Variants in SYNPR observed in about 807,000 individuals in gnomAD.
SYNPR encodes synaptoporin.
A neutral mutation model predicts 32.9 loss-of-function variants in SYNPR; 23 were observed. The observed-to-expected ratio is 0.70, with a 90% confidence interval of 0.50 to 0.99. The LOEUF is 0.99. Ranked by LOEUF, SYNPR falls within the 50% of genes least tolerant of loss-of-function variation. The pLI, the probability that SYNPR is intolerant of heterozygous loss-of-function variation, is 0.00. For missense variants in SYNPR, 318 were observed against 349.3 expected (o/e 0.91, Z 0.71); for synonymous variants, 146 against 135.9 (o/e 1.07, Z -0.52).
chr3:63,609,042 C>T, intron 4 of SYNPR, 83 bp from the exon 5 acceptor site: 3 of 1,450,284 alleles, frequency 2.1e-6, no homozygotes, highest in Non-Finnish European at 2.8e-6. Flanking sequence ...AAAAGGCAAA[C>T]CAAATAGTTA....
At chr3:63,333,285 C>G (rs1048070853) in intron 2 of SYNPR, among the ~76,000 whole-genome samples, 4 of 151,726 alleles carry the variant, frequency 2.6e-5, no homozygotes, top group Admixed American at 6.6e-5. Flanking sequence ...TCCACACCCC[C>G]TCCTGCTCCC....
intron 3 of SYNPR, among the ~76,000 whole-genome samples, chr3:63,501,834 C>T (rs1242480397): frequency 6.6e-6 from 1 of 152,070 alleles, no homozygotes; most frequent in African/African-American, 2.4e-5. Flanking sequence ...ACATGATGAA[C>T]AGGAGAGATT....
At chr3:63,596,175 G>A (rs181346811) in intron 4 of SYNPR, among the ~76,000 whole-genome samples, 1 of 150,370 alleles carries the variant, frequency 6.7e-6, no homozygotes, top group African/African-American at 2.4e-5. Context: ...AGACACTGCC[G>A]CTGCCTCCTC....
At chr3:63,229,304 T>G (rs1407436595) in intron 1 of SYNPR, among the ~76,000 whole-genome samples, 4 of 152,002 alleles carry the variant, frequency 2.6e-5, no homozygotes, top group Non-Finnish European at 4.4e-5. Flanking sequence ...CAATTCACAT[T>G]ATCATTGTTA....
At chr3:63,253,453 T>C (rs1407985317) in intron 2 of SYNPR, among the ~76,000 whole-genome samples, 3 of 152,220 alleles carry the variant, frequency 2.0e-5, no homozygotes, top group Admixed American at 2.0e-4. Flanking sequence ...TTTTGATGAA[T>C]AAATCCTAGT....
At chr3:63,311,269 G>A (rs1560187738) in intron 2 of SYNPR, among the ~76,000 whole-genome samples, 1 of 151,948 alleles carries the variant, frequency 6.6e-6, no homozygotes, top group Non-Finnish European at 1.5e-5. Context: ...ACAACCACTG[G>A]CTGATAATGG....
intron 4 of SYNPR, among the ~76,000 whole-genome samples, chr3:63,571,409 T>C (rs969042611): frequency 2.0e-5 from 3 of 152,168 alleles, no homozygotes; most frequent in African/African-American, 7.2e-5. Flanking sequence ...CAAATTCAAA[T>C]TTATAAACTT....
chr3:63,313,757 C>A (rs1180688457), intron 2 of SYNPR, among the ~76,000 whole-genome samples: 2 of 13,426 alleles, frequency 1.5e-4, no homozygotes, highest in Non-Finnish European at 3.2e-4. Context: ...ATATATATAT[C>A]CATATATATA....
the SYNPR span, among the ~76,000 whole-genome samples, chr3:63,222,011 ATTT>A: frequency 1.6e-3 from 92 of 56,408 alleles, 1 homozygote; most frequent in South Asian, 4.6e-3. Flanking sequence ...GCCATGCTCA[ATTT>A]TTTTTTTTTT....
chr3:63,555,152 A>G (rs576307780), intron 3 of SYNPR, among the ~76,000 whole-genome samples: 1 of 152,106 alleles, frequency 6.6e-6, no homozygotes, highest in Admixed American at 6.6e-5. Flanking sequence ...TTATATCATC[A>G]GTGAAGAGAG....
At chr3:63,363,983 C>A (rs2087698091) in intron 2 of SYNPR, among the ~76,000 whole-genome samples, 1 of 152,118 alleles carries the variant, frequency 6.6e-6, no homozygotes, top group South Asian at 2.1e-4. Flanking sequence ...CTTCTATTGT[C>A]CCTGCTACCC....
At chr3:63,223,304 C>A in the SYNPR span, among the ~76,000 whole-genome samples, 1 of 101,544 alleles carries the variant, frequency 9.8e-6, no homozygotes, top group East Asian at 2.3e-4. Flanking sequence ...GGTTTTTGGA[C>A]ATCAATCTCC....
At chr3:63,600,704 C>A (rs371521459) in intron 4 of SYNPR, among the ~76,000 whole-genome samples, 1 of 152,158 alleles carries the variant, frequency 6.6e-6, no homozygotes, top group East Asian at 1.9e-4. Context: ...CCTGCTTTCA[C>A]TTCTCCTTCC....
At chr3:63,363,969 A>G (rs1337174995) in intron 2 of SYNPR, among the ~76,000 whole-genome samples, 1 of 152,194 alleles carries the variant, frequency 6.6e-6, no homozygotes, top group African/African-American at 2.4e-5. Context: ...CCACAACCTT[A>G]TTACTTCTAT....
intron 3 of SYNPR, among the ~76,000 whole-genome samples, chr3:63,547,219 CA>C (rs1702423074): frequency 6.6e-6 from 1 of 152,080 alleles, no homozygotes; most frequent in Non-Finnish European, 1.5e-5. Flanking sequence ...TCACCTTCCA[CA>C]AGTGAGTCTT....
At chr3:63,243,508 G>C (rs1015946913) in intron 1 of SYNPR, among the ~76,000 whole-genome samples, 14 of 151,992 alleles carry the variant, frequency 9.2e-5, no homozygotes, top group African/African-American at 3.4e-4. Context: ...GATAGATATA[G>C]AACAATGGGA....
chr3:63,469,357 C>T (rs1480052613), intron 2 of SYNPR, among the ~76,000 whole-genome samples: 3 of 152,056 alleles, frequency 2.0e-5, no homozygotes, highest in Non-Finnish European at 4.4e-5. Flanking sequence ...TGCATGAGCT[C>T]ATCATGCTCT....
chr3:63,342,958 A>T (rs1210185244), intron 2 of SYNPR, among the ~76,000 whole-genome samples: 4 of 152,244 alleles, frequency 2.6e-5, no homozygotes, highest in African/African-American at 9.6e-5. Flanking sequence ...ATGATAAATT[A>T]TGTTGATAAA....
chr3:63,372,523 G>C (rs949082520), intron 2 of SYNPR, among the ~76,000 whole-genome samples: 15 of 152,136 alleles, frequency 9.9e-5, no homozygotes, highest in African/African-American at 3.4e-4. Flanking sequence ...AGGCCAGTCT[G>C]TTTCCCCCAT....
Sources: gnomAD v4.1 joint callset for allele counts (sites outside exome capture counted in the v4.1 genomes callset) on GRCh38, gnomAD v4.1.1 for gene constraint, MANE v1.5 for transcripts, NCBI Gene and HGNC (gene_info 2026-07-23, HGNC 2026-07-21) for gene names.